FSD1L: variants seen among roughly 807,000 people sequenced by gnomAD.
FSD1L encodes FSD1-like protein.
Under a neutral mutation model 71.6 loss-of-function variants are expected in FSD1L, and 45 were observed. The observed-to-expected ratio is 0.63, with a 90% CI of 0.49 to 0.81. The LOEUF is 0.81. Ranked by LOEUF, FSD1L falls within the 30% of genes least tolerant of loss-of-function variation. The pLI, the probability that FSD1L is intolerant of heterozygous loss-of-function variation, is 0.00. For missense variants in FSD1L, 561 were observed against 618.1 expected (o/e 0.91, Z 0.98); for synonymous variants, 197 against 207.2 (o/e 0.95, Z 0.42).
intron 13 of FSD1L, among the ~76,000 whole-genome samples, chr9:105,542,358 T>C (rs978836045): frequency 1.3e-5 from 2 of 152,242 alleles, no homozygotes; most frequent in Non-Finnish European, 2.9e-5. Context: ...TGACAAATGA[T>C]GTTTCATGTC....
intron 7 of FSD1L, 106 bp downstream of exon 7, chr9:105,484,608 A>AT (rs55646784): frequency 0.013 from 7,964 of 632,664 alleles, 60 homozygotes; most frequent in Admixed American, 0.015. Flanking sequence ...GTATAGTGTG[A>AT]TTTTTTTTTC....
At position 105,524,821 on chromosome 9, in the gene FSD1L, G is replaced by A; in HGVS notation, c.1026-9672G>A. The A allele has an allele frequency of 1.9e-6, 3 of 1,589,460 alleles. No homozygotes were observed. In the South Asian group the frequency reaches 3.3e-5, roughly 18 times the overall value. On this transcript the variant is annotated intron_variant, in intron 10 of 13. Transcript: ENST00000481272. ...AATCACCTGGGCCATTATCCAATGA[G>A]CGGTGGTCCTGCTATGCTAACAAGT...
At position 105,517,952 on chromosome 9, in the gene FSD1L, A is replaced by G. The variant is rs142908908; in HGVS notation, c.1025+5016A>G. 4.4e-4 allele frequency among the ~76,000 whole-genome samples: 67 copies of G among 152,350 alleles called. No individual in the cohort carries two copies. The East Asian group carries it at 0.012, about 27-fold the overall frequency. On this transcript the variant is annotated intron_variant, in intron 10 of 13. Coordinates refer to ENST00000481272, the MANE Select transcript of FSD1L (RefSeq NM_001145313.3). ...AAAGACAAACATAGGCTCAAAATAAAGGGATGGAGGAATATTTACGAAGCA... is the reference window on the plus strand; with the variant it reads ...AAAGACAAACATAGGCTCAAAATAAGGGGATGGAGGAATATTTACGAAGCA...
intron 12 of FSD1L, among the ~76,000 whole-genome samples, chr9:105,536,005 A>T (rs906207892): frequency 6.6e-6 from 1 of 152,218 alleles, no homozygotes; most frequent in Non-Finnish European, 1.5e-5. Flanking sequence ...TCAATATCAG[A>T]ATTTCTTTAC....
Position 105,530,176 on chromosome 9 carries a change from A to T in FSD1L, c.1026-4317A>T, listed in dbSNP as rs577033420. On this transcript the variant is annotated intron_variant, in intron 10 of 13. Transcript: ENST00000481272. ...GCTTTATCTTGTAATAATGAAAAAG[A>T]TGAATTGGACAGTAAAGAAATTATT... Among the ~76,000 whole-genome samples, 10 of 152,300 alleles carry T rather than the reference A, an allele frequency of 6.6e-5. No homozygotes were observed. The South Asian group carries it at 1.0e-3, about 16-fold the overall frequency.
At chr9:105,488,044 A>G (rs958291400) in intron 7 of FSD1L, among the ~76,000 whole-genome samples, 8 of 152,170 alleles carry the variant, frequency 5.3e-5, no homozygotes, top group South Asian at 2.1e-4. Context: ...TGAAAAGTCT[A>G]TAGTTTACAT....
At chr9:105,443,307 A>G (rs1304890086), upstream of FSD1L, among the ~76,000 whole-genome samples, 2 of 148,030 alleles carry the variant, frequency 1.4e-5, no homozygotes, top group Non-Finnish European at 3.0e-5. Context: ...CACATCCTAC[A>G]TTGGCAGCAG....
chr9:105,492,950 G>A (rs1283359255), intron 7 of FSD1L, among the ~76,000 whole-genome samples: 1 of 152,174 alleles, frequency 6.6e-6, no homozygotes, highest in East Asian at 1.9e-4. Context: ...TAGGTGTGGT[G>A]TGGTGCTGAA....
In FSD1L at chr9:105,546,745, A is replaced by G. The variant is rs532923182; in HGVS notation, c.*262A>G. ...AAGGCAGTGTTTAATTAACATAAAAACTCATTTTTGTATTTCTTGGATTAC... is the reference window on the plus strand; with the variant it reads ...AAGGCAGTGTTTAATTAACATAAAAGCTCATTTTTGTATTTCTTGGATTAC... On this transcript the variant is annotated 3_prime_UTR_variant, in exon 14 of 14. Transcript: ENST00000481272. 4.2e-6 allele frequency: 1 copy of G among 238,676 alleles called. No homozygotes were observed. Among genetic ancestry groups the G allele is most frequent in the African/African-American group, 2.2e-5 (1 of 44,462 alleles). 14.8% of individuals were successfully genotyped at this position (238,676 alleles called of 1,614,324 possible).
intron 5 of FSD1L, among the ~76,000 whole-genome samples, chr9:105,473,760 C>T (rs1423567729): frequency 5.9e-5 from 9 of 152,146 alleles, no homozygotes; most frequent in Admixed American, 5.9e-4. Flanking sequence ...GTTTATTTCT[C>T]CCACGTTTCT....
At chr9:105,489,110 A>G (rs566997377) in intron 7 of FSD1L, among the ~76,000 whole-genome samples, 4 of 152,134 alleles carry the variant, frequency 2.6e-5, no homozygotes, top group Admixed American at 6.6e-5. Context: ...GACTCTCAGA[A>G]ACTAAGGAAA....
At position 105,481,431 on chromosome 9, in the gene FSD1L, C is replaced by T. The variant is rs188419287; in HGVS notation, c.464+2055C>T. The stretch of plus-strand genomic sequence containing the variant: ...TCCCAAGTAGCTGGGATTACAGGCA[C>T]CTGCCACCACACCCAGCTAATTTGT... On this transcript the variant is annotated intron_variant, in intron 6 of 13. Transcript: ENST00000481272. Among the ~76,000 whole-genome samples the T allele has an allele frequency of 7.9e-3, 1,192 of 150,444 alleles. 10 individuals carry two copies. The highest frequency in any genetic ancestry group is 0.021 in the Middle Eastern group (6 of 284).
chr9:105,520,736 A>G (rs972280855), intron 10 of FSD1L: 6 of 1,613,300 alleles, frequency 3.7e-6, no homozygotes, highest in Non-Finnish European at 5.1e-6. Flanking sequence ...TTTCAGCACC[A>G]CAGTCTGAAC....
At chr9:105,513,977 C>T (rs184907896) in intron 10 of FSD1L, among the ~76,000 whole-genome samples, 64 of 152,178 alleles carry the variant, frequency 4.2e-4, no homozygotes, top group African/African-American at 1.4e-3. Flanking sequence ...ATTATAGCTT[C>T]GCTTTTATTT....
At chr9:105,488,555 T>C (rs10991669) in intron 7 of FSD1L, among the ~76,000 whole-genome samples, 19,206 of 152,180 alleles carry the variant, frequency 0.13, 1,508 homozygotes, top group Admixed American at 0.23. Flanking sequence ...CTGAATAGTA[T>C]GGTAAAAGTG....
At chr9:105,531,035 G>A (rs7870562) in intron 10 of FSD1L, 4,686 of 153,396 alleles carry the variant, frequency 0.031, 154 homozygotes, top group African/African-American at 0.086. Context: ...CCGTATGATA[G>A]ATTTGTAAAA....
At position 105,547,485 on chromosome 9, in the gene FSD1L, C is replaced by A. The variant is rs1422247848; in HGVS notation, c.*1002C>A. The A allele has an allele frequency of 1.3e-5, 2 of 152,104 alleles. No individual in the cohort carries two copies. The highest frequency in any genetic ancestry group is 2.9e-5 in the Non-Finnish European group (2 of 67,920). 9.4% of individuals were successfully genotyped at this position (152,104 alleles called of 1,614,324 possible). A position where few individuals can be genotyped will look rare whatever the true frequency, so the allele number is the denominator to read the frequency against. Reference sequence around the variant, plus strand: ...CTCAAATAATGTATATATTCTTTTTCATAACATATGGAATGCTTTAAGCAA... The same window carrying A: ...CTCAAATAATGTATATATTCTTTTTAATAACATATGGAATGCTTTAAGCAA... On this transcript the variant is annotated 3_prime_UTR_variant, in exon 14 of 14. Transcript: ENST00000481272.
At position 105,550,279 on chromosome 9, in the gene FSD1L, C is replaced by T. The variant is rs1837213640; in HGVS notation, c.*3796C>T. Reference sequence around the variant, plus strand: ...CAAATTAACTGCATATAAAATGGTTCACTTTTATATAGTCACATGTAATGG... The same window carrying T: ...CAAATTAACTGCATATAAAATGGTTTACTTTTATATAGTCACATGTAATGG... On this transcript the variant is annotated 3_prime_UTR_variant, in exon 14 of 14. Coordinates refer to ENST00000481272, the MANE Select transcript of FSD1L (RefSeq NM_001145313.3). The T allele has an allele frequency of 6.6e-6, 1 of 151,884 alleles. No individual in the cohort carries two copies. The highest frequency in any genetic ancestry group is 1.9e-4 in the East Asian group (1 of 5,190). 9.4% of individuals were successfully genotyped at this position (151,884 alleles called of 1,614,324 possible).
intron 10 of FSD1L, among the ~76,000 whole-genome samples, chr9:105,519,424 C>T (rs924066100): frequency 1.3e-5 from 2 of 152,142 alleles, no homozygotes; most frequent in African/African-American, 4.8e-5. Context: ...CAAACCGAAC[C>T]CAGCAGCACA....
Sources: gnomAD v4.1 joint callset for allele counts (sites outside exome capture counted in the v4.1 genomes callset) on GRCh38, gnomAD v4.1.1 for gene constraint, MANE v1.5 for transcripts, NCBI Gene and HGNC (gene_info 2026-07-23, HGNC 2026-07-21) for gene names.